Variants in PNPLA8 observed in about 807,000 individuals in gnomAD.
The protein encoded by PNPLA8 is patatin like domain 8, phospholipase A2, also known as calcium-independent phospholipase A2-gamma.
In PNPLA8, 39 loss-of-function variants were observed where a neutral mutation model predicts 76.9. That is an observed-to-expected ratio of 0.51 (90% CI 0.39 to 0.66). The LOEUF (loss-of-function observed/expected upper bound fraction) is 0.66, where lower values mean the gene tolerates loss of function less well. Ranked by LOEUF, PNPLA8 falls within the 30% of genes least tolerant of loss-of-function variation. The pLI is 0.00. For synonymous variants in PNPLA8, 301 were observed against 307.9 expected, an observed-to-expected ratio of 0.98 and a Z score of 0.24; for missense variants, 887 against 918.0, an observed-to-expected ratio of 0.97 and a Z score of 0.44.
intron 4 of PNPLA8, among the ~76,000 whole-genome samples, chr7:108,505,354 T>A (rs1290318332): frequency 2.1e-3 from 67 of 32,216 alleles, no homozygotes; most frequent in East Asian, 2.6e-3. Flanking sequence ...ATATATATAT[T>A]TTTTTTTTTT....
chr7:108,499,082 A>C (rs542557186), intron 5 of PNPLA8, among the ~76,000 whole-genome samples: 1 of 152,348 alleles, frequency 6.6e-6, no homozygotes, highest in East Asian at 1.9e-4. Context: ...TTAATTCAAG[A>C]CAAGACATGA....
intron 4 of PNPLA8, among the ~76,000 whole-genome samples, chr7:108,503,573 C>G (rs143565397): frequency 1.3e-5 from 2 of 152,106 alleles, no homozygotes; most frequent in Non-Finnish European, 2.9e-5. Context: ...TACAGATCAA[C>G]GCTCACATCA....
chr7:108,514,965 T>C lies in PNPLA8; in HGVS notation c.527A>G (p.His176Arg), dbSNP rs146657795. 1 of 1,609,704 alleles carries C rather than the reference T, an allele frequency of 6.2e-7. No homozygotes were observed. Among genetic ancestry groups the C allele is most frequent in the East Asian group, 2.2e-5 (1 of 44,868 alleles). Residue 176 changes from histidine to arginine, a missense_variant, in exon 3 of 11, where the codon CAC becomes CGC. Transcript: ENST00000257694. ...EKSPFPEEKS[H>R]IIDKEEDIGK... ...TATATCTTCTTCTTTGTCTATAATG[T>C]GACTTTTCTCTTCTGGAAAAGGACT...
intron 5 of PNPLA8, among the ~76,000 whole-genome samples, chr7:108,500,340 T>G (rs1036177534): frequency 3.9e-5 from 6 of 152,360 alleles, no homozygotes; most frequent in Admixed American, 1.3e-4. Flanking sequence ...TATCACTTTA[T>G]CTGTATCACA....
At chr7:108,498,330 A>G (rs1320529954) in intron 5 of PNPLA8, among the ~76,000 whole-genome samples, 1 of 151,368 alleles carries the variant, frequency 6.6e-6, no homozygotes, top group Admixed American at 6.6e-5. Flanking sequence ...GCAGTGGCTC[A>G]CTGGGCTCAC....
intron 5 of PNPLA8, among the ~76,000 whole-genome samples, chr7:108,499,532 C>G (rs1015598380): frequency 6.6e-6 from 1 of 152,196 alleles, no homozygotes; most frequent in Admixed American, 6.5e-5. Flanking sequence ...GTTTTCTCAA[C>G]AGCAGAACCG....
chr7:108,521,386 G>A (rs937124109), intron 2 of PNPLA8, 90 bp downstream of exon 2: 7 of 189,004 alleles, frequency 3.7e-5, no homozygotes, highest in Non-Finnish European at 6.9e-5. Flanking sequence ...CCCATCAGAA[G>A]GTAAAAAGCC....
chr7:108,480,337 T>C (rs1368128377), intron 9 of PNPLA8, among the ~76,000 whole-genome samples: 2 of 152,128 alleles, frequency 1.3e-5, no homozygotes, highest in African/African-American at 2.4e-5. Flanking sequence ...CACTGCACTC[T>C]AGCCTGGGCG....
intron 4 of PNPLA8, among the ~76,000 whole-genome samples, chr7:108,503,204 AG>A (rs1372882212): frequency 1.3e-5 from 2 of 152,218 alleles, no homozygotes; most frequent in African/African-American, 4.8e-5. Flanking sequence ...CAAGATTCTA[AG>A]CACTCAACAT....
At chr7:108,493,568 C>A (rs1487031302) in intron 7 of PNPLA8, among the ~76,000 whole-genome samples, 32 of 81,216 alleles carry the variant, frequency 3.9e-4, no homozygotes, top group African/African-American at 1.5e-3. Context: ...CCATGCCTGG[C>A]TTTTTTTTTT....
chr7:108,493,568 CT>C (rs34935118), intron 7 of PNPLA8, among the ~76,000 whole-genome samples: 18,918 of 81,124 alleles, frequency 0.23, 456 homozygotes, highest in East Asian at 0.31. Flanking sequence ...CCATGCCTGG[CT>C]TTTTTTTTTT....
intron 10 of PNPLA8, among the ~76,000 whole-genome samples, chr7:108,478,945 T>C (rs565021778): frequency 6.6e-6 from 1 of 152,196 alleles, no homozygotes; most frequent in Non-Finnish European, 1.5e-5. Flanking sequence ...TAGGTACTTC[T>C]CCAACAGTAA....
intron 4 of PNPLA8, among the ~76,000 whole-genome samples, chr7:108,504,717 T>C (rs898258556): frequency 6.6e-6 from 1 of 152,202 alleles, no homozygotes; most frequent in Non-Finnish European, 1.5e-5. Flanking sequence ...CCTAGGTTTA[T>C]ACAGCTGCAA....
chr7:108,490,662 T>C (rs1020463313), intron 8 of PNPLA8, among the ~76,000 whole-genome samples: 2 of 151,992 alleles, frequency 1.3e-5, no homozygotes, highest in African/African-American at 4.8e-5. Flanking sequence ...CGGCTGCCTA[T>C]AGTCCCAGCT....
intron 8 of PNPLA8, among the ~76,000 whole-genome samples, chr7:108,489,840 T>C (rs1042227962): frequency 6.6e-6 from 1 of 152,192 alleles, no homozygotes; most frequent in Non-Finnish European, 1.5e-5. Context: ...AAACAAGTAA[T>C]ATTAAACAGA....
Position 108,515,467 on chromosome 7 carries a change from T to C in PNPLA8, c.25A>G (p.Ile9Val), listed in dbSNP as rs1863270746. 2 of 1,540,476 alleles carry C rather than the reference T, an allele frequency of 1.3e-6. No individual in the cohort carries two copies. Among genetic ancestry groups the C allele is most frequent in the South Asian group, 1.3e-5 (1 of 79,776 alleles). ...GCATTACTAAGGAGGTAAATATATA[T>C]ATCTACAGTCAGATTAATAGACATA... MSINLTVDIYIYLLSNARS... is the reference protein window; with the variant it reads MSINLTVDVYIYLLSNARS... The change falls in exon 3 of 11, where the codon ATA (isoleucine) becomes GTA (valine). Residue 9 changes from isoleucine (I) to valine (V), a missense_variant. Coordinates refer to ENST00000257694, the MANE Select transcript of PNPLA8 (RefSeq NM_001256007.3).
chr7:108,493,935 C>G (rs535902050), intron 7 of PNPLA8, among the ~76,000 whole-genome samples: 1 of 151,642 alleles, frequency 6.6e-6, no homozygotes, highest in African/African-American at 2.4e-5. Flanking sequence ...AGAATTTGTA[C>G]GAAAATAAAT....
rs575194712 is a variant in PNPLA8 at position 108,470,802 on chromosome 7, C to T, written c.*1599G>A. ...GGATGTTAGAAAATTTTACAGCTAC[C>T]TTTCCTCATTTTACAAATGAGATAT... On this transcript the variant is annotated 3_prime_UTR_variant, in exon 11 of 11. Transcript: ENST00000257694. 1 of 152,080 alleles carries T rather than the reference C, an allele frequency of 6.6e-6. No individual in the cohort carries two copies. Among genetic ancestry groups the T allele is most frequent in the African/African-American group, 2.4e-5 (1 of 41,410 alleles). 9.4% of individuals were successfully genotyped at this position (152,080 alleles called of 1,614,324 possible).
rs777654236 is a variant in PNPLA8, at chr7:108,496,659, T to C, written c.1550A>G (p.Asn517Ser). The part of the protein sequence containing the change: ...RKLGSDVFSQ[N>S]VIVGTVKMSW... ...CATTTTTACTGTTCCAACAATGACA[T>C]TTTGTGAAAATACATCTGATCCTAA... is the stretch of plus-strand genomic sequence containing the variant. The change falls in exon 7 of 11, where the codon AAT becomes AGT. Residue 517 changes from asparagine to serine, a missense_variant. By Grantham distance (46) the Asn-to-Ser change is conservative. Coordinates refer to ENST00000257694, the MANE Select transcript of PNPLA8 (RefSeq NM_001256007.3). The C allele has an allele frequency of 3.8e-5, 62 of 1,612,742 alleles. No homozygotes were observed. In the South Asian group the frequency reaches 6.5e-4, roughly 17 times the overall value.
Sources: gnomAD v4.1 joint callset for allele counts (sites outside exome capture counted in the v4.1 genomes callset) on GRCh38, gnomAD v4.1.1 for gene constraint, MANE v1.5 for transcripts, NCBI Gene and HGNC (gene_info 2026-07-23, HGNC 2026-07-21) for gene names.